Variants in CASD1 observed in about 807,000 individuals in gnomAD.
The protein encoded by CASD1 is CAS1 domain sialic acid O acetyltransferase 1.
In CASD1, 41 loss-of-function variants were observed where a neutral mutation model predicts 100.0. The ratio of observed to expected loss-of-function variants is 0.41; its 90% confidence interval spans 0.32 to 0.53. CASD1 has a LOEUF of 0.53. CASD1 is among the 20% of genes least tolerant of loss of function. The probability of loss-of-function intolerance (pLI) is 0.25; values close to 1 mark genes in which losing one functional copy is unlikely to be tolerated. For missense variants in CASD1, 774 were observed against 948.7 expected (o/e 0.82, Z 2.42); for synonymous variants, 321 against 315.6 (o/e 1.02, Z -0.18).
At chr7:94,598,089 T>G in the CASD1 span, 2 of 156,496 alleles carry the variant, frequency 1.3e-5, no homozygotes, top group Non-Finnish European at 2.9e-5. Context: ...ATGTGGCCAC[T>G]AGGCTACATT....
At chr7:94,558,689 T>G (rs975944207), downstream of CASD1, among the ~76,000 whole-genome samples, 1 of 152,156 alleles carries the variant, frequency 6.6e-6, no homozygotes, top group Non-Finnish European at 1.5e-5. Flanking sequence ...TCTGGCTCAT[T>G]TTCTTATTCT....
intron 5 of CASD1, among the ~76,000 whole-genome samples, chr7:94,529,623 T>C (rs778154711): frequency 5.9e-5 from 9 of 152,158 alleles, no homozygotes; most frequent in Non-Finnish European, 1.2e-4. Flanking sequence ...TTGTTGTTAA[T>C]GTACTATTGC....
chr7:94,561,972 A>G (rs1445390979), downstream of CASD1, among the ~76,000 whole-genome samples: 2 of 152,140 alleles, frequency 1.3e-5, no homozygotes, highest in Non-Finnish European at 2.9e-5. Context: ...GTTTGAAGCC[A>G]TTGGTTAGCA....
chr7:94,525,018 G>T (rs183050717), intron 3 of CASD1, among the ~76,000 whole-genome samples: 1 of 152,068 alleles, frequency 6.6e-6, no homozygotes, highest in Non-Finnish European at 1.5e-5. Flanking sequence ...GAGAACGTTC[G>T]TGTGGGTATG....
chr7:94,582,348 C>T, the CASD1 span, among the ~76,000 whole-genome samples: 2 of 152,096 alleles, frequency 1.3e-5, no homozygotes, highest in African/African-American at 4.8e-5. Flanking sequence ...GAACTCCTTA[C>T]TACCCCTCAA....
At chr7:94,513,979 TCCA>T (rs1793847258) in intron 1 of CASD1, among the ~76,000 whole-genome samples, 1 of 152,200 alleles carries the variant, frequency 6.6e-6, no homozygotes, top group Non-Finnish European at 1.5e-5. Flanking sequence ...TCTCAAAATG[TCCA>T]TTATTAGTTT....
At chr7:94,559,276 C>G (rs868570023), downstream of CASD1, among the ~76,000 whole-genome samples, 282 of 137,598 alleles carry the variant, frequency 2.0e-3, 2 homozygotes, top group Non-Finnish European at 1.8e-3. Flanking sequence ...GTATATATGT[C>G]TGTGTGTGTG....
the CASD1 span, chr7:94,587,864 C>A: frequency 4.6e-6 from 7 of 1,524,018 alleles, no homozygotes; most frequent in Non-Finnish European, 6.2e-6. Context: ...ATGAAAACAT[C>A]CAACACATTT....
chr7:94,560,048 C>G (rs954948950), downstream of CASD1, among the ~76,000 whole-genome samples: 2 of 152,060 alleles, frequency 1.3e-5, no homozygotes, highest in South Asian at 4.1e-4. Flanking sequence ...CTTTGTCTTT[C>G]TCTTTTCTAT....
intron 3 of CASD1, among the ~76,000 whole-genome samples, chr7:94,520,737 C>T (rs34139208): frequency 0.079 from 12,010 of 152,172 alleles, 717 homozygotes; most frequent in East Asian, 0.23. Flanking sequence ...GCAGGCAGAT[C>T]ACGAGGTCAA....
chr7:94,553,216 A>T (rs113437731), intron 16 of CASD1: 6 of 331,212 alleles, frequency 1.8e-5, no homozygotes, highest in African/African-American at 6.5e-5. Context: ...CCTGTGCTAT[A>T]GTAAGTACCT....
intron 3 of CASD1, among the ~76,000 whole-genome samples, chr7:94,522,950 T>C (rs1794365309): frequency 6.6e-6 from 1 of 152,122 alleles, no homozygotes; most frequent in Non-Finnish European, 1.5e-5. Context: ...TGTGAGCCAC[T>C]GCACCCGGCC....
At chr7:94,611,479 A>T in the CASD1 span, among the ~76,000 whole-genome samples, 7 of 86,038 alleles carry the variant, frequency 8.1e-5, no homozygotes, top group South Asian at 4.1e-4. Context: ...GTGGCTGCCT[A>T]GGGGTAGGGG....
chr7:94,588,193 C>G, the CASD1 span: 1 of 1,072,520 alleles, frequency 9.3e-7, no homozygotes. Flanking sequence ...GAATTGTCCG[C>G]CATCTTGTTG....
At chr7:94,623,860 G>T in the CASD1 span, 2 of 353,158 alleles carry the variant, frequency 5.7e-6, no homozygotes, top group Non-Finnish European at 1.0e-5. Flanking sequence ...ACCCCAATCA[G>T]TCAAAAAATG....
the CASD1 span, among the ~76,000 whole-genome samples, chr7:94,601,889 T>TATTA: frequency 1.3e-5 from 2 of 152,292 alleles, no homozygotes; most frequent in East Asian, 3.9e-4. Flanking sequence ...ATATTTTATT[T>TATTA]ATTATGTTTA....
At chr7:94,614,644 C>A in the CASD1 span, among the ~76,000 whole-genome samples, 3 of 152,126 alleles carry the variant, frequency 2.0e-5, no homozygotes, top group Admixed American at 2.0e-4. Flanking sequence ...ACTCAGTCAG[C>A]CTTCAGCTCC....
intron 1 of CASD1, among the ~76,000 whole-genome samples, chr7:94,511,367 A>G (rs1793699014): frequency 6.6e-6 from 1 of 152,176 alleles, no homozygotes; most frequent in Non-Finnish European, 1.5e-5. Flanking sequence ...AGATCTTTCA[A>G]TTTTGGTCAG....
the CASD1 span, among the ~76,000 whole-genome samples, chr7:94,576,256 A>G: frequency 6.6e-6 from 1 of 152,148 alleles, no homozygotes; most frequent in African/African-American, 2.4e-5. Flanking sequence ...CTGCCTGCTC[A>G]AATCTGCTGT....
Sources: gnomAD v4.1 joint callset for allele counts (sites outside exome capture counted in the v4.1 genomes callset) on GRCh38, gnomAD v4.1.1 for gene constraint, MANE v1.5 for transcripts, NCBI Gene and HGNC (gene_info 2026-07-23, HGNC 2026-07-21) for gene names.